TLE7: variants seen among roughly 807,000 people sequenced by gnomAD.
TLE7 encodes the protein transducin-like enhancer protein 7.
chr16:71,437,617 T>A (rs2145046216), intron 1 of TLE7, among the ~76,000 whole-genome samples: 1 of 151,836 alleles, frequency 6.6e-6, no homozygotes, highest in East Asian at 1.9e-4. Context: ...GGGGGAACCC[T>A]TCGGTCTGAG....
chr16:71,441,805 C>T (rs1315269206), intron 1 of TLE7, among the ~76,000 whole-genome samples, 164 bp downstream of exon 1: 2 of 152,228 alleles, frequency 1.3e-5, no homozygotes, highest in African/African-American at 4.8e-5. Flanking sequence ...GGCAGACAGG[C>T]CCTCGGGCGC....
At position 71,430,282 on chromosome 16, in the gene TLE7, T is replaced by C. The variant is rs1204685707; in HGVS notation, c.1306A>G (p.Ile436Val). The C allele has an allele frequency of 1.0e-5, 4 of 398,550 alleles. No homozygotes were observed. Among genetic ancestry groups the C allele is most frequent in the Non-Finnish European group, 1.8e-5 (4 of 226,134 alleles). 24.7% of individuals were successfully genotyped at this position (398,550 alleles called of 1,614,324 possible). A position where few individuals can be genotyped will look rare whatever the true frequency, so the allele number is the denominator to read the frequency against. Reference protein sequence around the residue: ...LVMGSSSSATIYQLLY With the variant: ...LVMGSSSSATVYQLLY ...CACCTTTAATACAAGAGCTGGTAGA[T>C]GGTGGCACTGCTGCTAGAGCCCATG... Residue 436 changes from isoleucine (I) to valine (V), a missense_variant, in exon 10 of 10, where the codon ATC becomes GTC. By Grantham distance (29) the Ile-to-Val change is conservative. Coordinates refer to ENST00000561754, the MANE Select transcript of TLE7 (RefSeq NM_001367365.2).
chr16:71,430,505 T>C, intron 9 of TLE7, 139 bp from the exon 10 acceptor site: 1 of 397,876 alleles, frequency 2.5e-6, no homozygotes, highest in Non-Finnish European at 4.4e-6. Flanking sequence ...CAAGGTGACT[T>C]GGGAGTTCAT....
At chr16:71,433,776 T>C (rs988542680) in intron 1 of TLE7, among the ~76,000 whole-genome samples, 1 of 151,924 alleles carries the variant, frequency 6.6e-6, no homozygotes, top group Non-Finnish European at 1.5e-5. Flanking sequence ...TGGCCAACAT[T>C]GTGAAACCCA....
intron 1 of TLE7, among the ~76,000 whole-genome samples, chr16:71,436,919 C>T (rs1030661519): frequency 2.0e-5 from 3 of 152,230 alleles, no homozygotes; most frequent in Admixed American, 6.5e-5. Context: ...GGTGGACCCA[C>T]TCCCAGAAAT....
intron 1 of TLE7, among the ~76,000 whole-genome samples, chr16:71,441,704 C>T (rs929163737): frequency 6.6e-6 from 1 of 152,252 alleles, no homozygotes; most frequent in Non-Finnish European, 1.5e-5. Context: ...CGCAGACTTC[C>T]GGACGCAGGG....
chr16:71,438,538 A>G (rs996660932), intron 1 of TLE7, among the ~76,000 whole-genome samples: 2 of 151,766 alleles, frequency 1.3e-5, no homozygotes, highest in African/African-American at 4.8e-5. Flanking sequence ...GCTAAAGGTA[A>G]GGGATATTGG....
intron 1 of TLE7, among the ~76,000 whole-genome samples, chr16:71,436,475 G>A (rs2042826520): frequency 6.6e-6 from 1 of 152,168 alleles, no homozygotes. Flanking sequence ...TTGAATTGGG[G>A]GTAGTAAGAC....
intron 1 of TLE7, among the ~76,000 whole-genome samples, chr16:71,434,480 A>G (rs370181107): frequency 2.0e-5 from 3 of 152,304 alleles, no homozygotes; most frequent in African/African-American, 4.8e-5. Context: ...AGTGAGAACC[A>G]CCAGCTTGAC....
At position 71,432,195 on chromosome 16, in the gene TLE7, G is replaced by A. The variant is rs749501661; in HGVS notation, c.524C>T (p.Thr175Met). The A allele has an allele frequency of 3.2e-5, 13 of 400,736 alleles. No homozygotes were observed. Among genetic ancestry groups the A allele is most frequent in the Non-Finnish European group, 5.3e-5 (12 of 226,304 alleles). 24.8% of individuals were successfully genotyped at this position (400,736 alleles called of 1,614,324 possible). A position where few individuals can be genotyped will look rare whatever the true frequency, so the allele number is the denominator to read the frequency against. The change falls in exon 5 of 10, where the codon ACG becomes ATG. Residue 175 changes from threonine to methionine, a missense_variant. Thr to Met is a moderately conservative substitution (Grantham distance 81). Transcript: ENST00000561754. ...TACCCTGATGTAGCCAGAGCCACAC[G>A]TGTACACGTGGTGGGTTGAGCCGCT... ...AISGSTHHVY[T>M]CGSGYIRVWD...
In TLE7 at chr16:71,432,298, T is replaced by A. The variant is rs2042808212; in HGVS notation, c.421A>T (p.Arg141Trp). ...GAGCCCTGTGGGGCCCTCTTCTGCC[T>A]GACCACAACTTCATCTGGAATGGGG... ...IPPIPDEVVV[R>W]QKRAPQGSWK... The change falls in exon 5 of 10, where the codon AGG (arginine) becomes TGG (tryptophan). Residue 141 changes from arginine to tryptophan, a missense_variant. By Grantham distance (101) the Arg-to-Trp change is moderately radical (BLOSUM62 -3). Transcript: ENST00000561754. 1 of 400,802 alleles carries A rather than the reference T, an allele frequency of 2.5e-6. No individual in the cohort carries two copies. Among genetic ancestry groups the A allele is most frequent in the Non-Finnish European group, 4.4e-6 (1 of 226,284 alleles). The allele number at this position is 400,802 out of a possible 1,614,324, so 24.8% of individuals were successfully genotyped here. A position where few individuals can be genotyped will look rare whatever the true frequency, so the allele number is the denominator to read the frequency against.
At chr16:71,435,392 C>G (rs530477866) in intron 1 of TLE7, among the ~76,000 whole-genome samples, 1 of 152,124 alleles carries the variant, frequency 6.6e-6, no homozygotes, top group Admixed American at 6.5e-5. Context: ...GCCTGGGTGG[C>G]AGAGTGAAAC....
At chr16:71,441,620 C>G (rs979623105) in intron 1 of TLE7, among the ~76,000 whole-genome samples, 1 of 152,222 alleles carries the variant, frequency 6.6e-6, no homozygotes, top group Non-Finnish European at 1.5e-5. Flanking sequence ...GCAGCGAGCG[C>G]GCCGGCCGCC....
chr16:71,432,558 G>C, intron 4 of TLE7, 107 bp downstream of exon 4: 1 of 398,282 alleles, frequency 2.5e-6, no homozygotes, highest in Non-Finnish European at 4.4e-6. Context: ...CAGGAGCCCA[G>C]GACACCCCCC....
chr16:71,430,448 G>A, intron 9 of TLE7, 82 bp from the exon 10 acceptor site: 1 of 398,608 alleles, frequency 2.5e-6, no homozygotes, highest in Non-Finnish European at 4.4e-6. Context: ...TCAAGGCTCA[G>A]TGTAGACCTA....
chr16:71,433,676 C>T (rs899151010), intron 1 of TLE7, among the ~76,000 whole-genome samples: 1 of 152,190 alleles, frequency 6.6e-6, no homozygotes, highest in Non-Finnish European at 1.5e-5. Flanking sequence ...ATCAAACTCA[C>T]CTGCCGGGCA....
chr16:71,431,202 G>C lies in TLE7; in HGVS notation c.1066C>G (p.Leu356Val). The change falls in exon 8 of 10, where the codon CTT (leucine) becomes GTT (valine). Residue 356 changes from leucine to valine, a missense_variant. Physicochemically the swap from Leu to Val is conservative, Grantham distance 32 (BLOSUM62 1). Coordinates refer to ENST00000561754, the MANE Select transcript of TLE7 (RefSeq NM_001367365.2). The surrounding 1 kb of genome is among the most constrained non-coding windows in gnomAD (Gnocchi z 4.5). ...AGLRTSDIVFLHTRRNEQFKA... is the reference protein window; with the variant it reads ...AGLRTSDIVFVHTRRNEQFKA... The stretch of plus-strand genomic sequence containing the variant: ...AACTGCTCATTCCGACGAGTGTGAA[G>C]GAACACGATATCACTCGTTCTCAGG... The C allele has an allele frequency of 2.5e-6, 1 of 400,672 alleles. No individual in the cohort carries two copies. 24.8% of individuals were successfully genotyped at this position (400,672 alleles called of 1,614,324 possible).
In TLE7 at chr16:71,433,410, G is replaced by A. The variant is rs1567555806; in HGVS notation, c.-86C>T. The A allele has an allele frequency of 2.5e-6, 1 of 398,122 alleles. No individual in the cohort carries two copies. The highest frequency in any genetic ancestry group is 3.6e-5 in the East Asian group (1 of 28,078). 24.7% of individuals were successfully genotyped at this position (398,122 alleles called of 1,614,324 possible). On this transcript the variant is annotated 5_prime_UTR_variant, in exon 2 of 10. Transcript: ENST00000561754. ...CAAACAGACACCAGGTTCCCAGTGT[G>A]TCCTGATCCCCTGTAAGGTGAAAAA...
intron 1 of TLE7, among the ~76,000 whole-genome samples, chr16:71,441,465 G>A (rs1435282012): frequency 6.6e-6 from 1 of 152,254 alleles, no homozygotes; most frequent in Non-Finnish European, 1.5e-5. Flanking sequence ...CTAGGTTAGG[G>A]ACCCGCTGCC....
Sources: allele counts gnomAD v4.1 joint callset (sites outside exome capture counted in the v4.1 genomes callset), GRCh38; gene constraint gnomAD v4.1.1; non-coding constraint Gnocchi (gnomAD v3.1); transcripts MANE v1.5; gene names NCBI Gene and HGNC (gene_info 2026-07-23, HGNC 2026-07-21).